Variants in GAD2 observed in about 807,000 individuals in gnomAD.
The protein encoded by GAD2 is 65 kDa glutamic acid decarboxylase.
Under a neutral mutation model 80.1 loss-of-function variants are expected in GAD2, and 22 were observed. That is an observed-to-expected ratio of 0.27 (90% CI 0.20 to 0.39). The LOEUF is 0.39. Ranked by LOEUF, GAD2 falls within the 10% of genes least tolerant of loss-of-function variation. GAD2 has a pLI of 1.00. For missense variants in GAD2, 624 were observed against 738.4 expected (o/e 0.85, Z 1.80); for synonymous variants, 274 against 256.9 (o/e 1.07, Z -0.64).
At chr10:26,242,982 A>G (rs1844761691) in intron 7 of GAD2, among the ~76,000 whole-genome samples, 1 of 151,826 alleles carries the variant, frequency 6.6e-6, no homozygotes, top group African/African-American at 2.4e-5. Context: ...TAAGAGACTT[A>G]GCTTGCCTCT....
chr10:26,226,617 G>T (rs899054554), intron 6 of GAD2, among the ~76,000 whole-genome samples: 2 of 152,184 alleles, frequency 1.3e-5, no homozygotes, highest in Non-Finnish European at 2.9e-5. Flanking sequence ...CTGCAGTAAA[G>T]GGTCTTACAA....
intron 8 of GAD2, among the ~76,000 whole-genome samples, chr10:26,246,672 T>C (rs1279874669): frequency 6.6e-6 from 1 of 152,242 alleles, no homozygotes; most frequent in Non-Finnish European, 1.5e-5. Context: ...TATTTGTATT[T>C]ATTAGTCAGA....
chr10:26,246,763 T>C (rs1844815265), intron 8 of GAD2, among the ~76,000 whole-genome samples: 1 of 152,164 alleles, frequency 6.6e-6, no homozygotes, highest in Non-Finnish European at 1.5e-5. Context: ...GGATGTGAGC[T>C]AGGTGGGAAG....
chr10:26,217,527 A>T lies in GAD2; in HGVS notation c.77-83A>T. ...CCCTCCTAGGACCCCGGACTGATTG[A>T]TTTTCACATAGAACGAAATTTCACA... is the stretch of plus-strand genomic sequence containing the variant. On this transcript the variant is annotated intron_variant, in intron 1 of 15. Coordinates refer to ENST00000376261, the MANE Select transcript of GAD2 (RefSeq NM_001134366.2). The surrounding 1 kb of genome is among the most constrained non-coding windows in gnomAD (Gnocchi z 4.9). 1 of 1,443,696 alleles carries T rather than the reference A, an allele frequency of 6.9e-7. No individual in the cohort carries two copies. Among genetic ancestry groups the T allele is most frequent in the Non-Finnish European group, 9.5e-7 (1 of 1,047,554 alleles). 89.4% of individuals were successfully genotyped at this position (1,443,696 alleles called of 1,614,324 possible). A position where few individuals can be genotyped will look rare whatever the true frequency, so the allele number is the denominator to read the frequency against.
At chr10:26,283,015 T>A (rs1437520579) in intron 12 of GAD2, among the ~76,000 whole-genome samples, 2 of 152,232 alleles carry the variant, frequency 1.3e-5, no homozygotes, top group East Asian at 3.8e-4. Context: ...TAAATTTTTG[T>A]TATTTAGAAT....
At chr10:26,255,969 C>T (rs1177592978) in intron 8 of GAD2, among the ~76,000 whole-genome samples, 1 of 152,052 alleles carries the variant, frequency 6.6e-6, no homozygotes, top group Non-Finnish European at 1.5e-5. Flanking sequence ...TGACAAGCTG[C>T]TAATGACTTT....
intron 7 of GAD2, among the ~76,000 whole-genome samples, chr10:26,237,560 G>A: frequency 6.6e-6 from 1 of 152,014 alleles, no homozygotes; most frequent in Non-Finnish European, 1.5e-5. Flanking sequence ...GGAGAGCAGA[G>A]TCGGGGCCAG....
intron 3 of GAD2, among the ~76,000 whole-genome samples, chr10:26,218,554 C>T (rs1421225269): frequency 7.3e-6 from 1 of 136,422 alleles, no homozygotes; most frequent in African/African-American, 2.7e-5. Flanking sequence ...CTCTCTCTCA[C>T]ACACACACAC....
At chr10:26,218,220 T>A in intron 3 of GAD2, 1 of 426,570 alleles carries the variant, frequency 2.3e-6, no homozygotes, top group Non-Finnish European at 4.1e-6. Context: ...GCCGTGGCGC[T>A]CTTCCCCCAG....
chr10:26,249,547 T>C (rs1259614885), intron 8 of GAD2, among the ~76,000 whole-genome samples: 2 of 152,222 alleles, frequency 1.3e-5, no homozygotes, highest in Non-Finnish European at 2.9e-5. Context: ...CTAGGCAGTC[T>C]TCCTTGCTAG....
At chr10:26,286,774 G>A (rs1367865659) in intron 13 of GAD2, among the ~76,000 whole-genome samples, 1 of 152,136 alleles carries the variant, frequency 6.6e-6, no homozygotes, top group Non-Finnish European at 1.5e-5. Context: ...TTTAACAGGT[G>A]TTTATTGTTA....
At chr10:26,218,101 A>C in intron 3 of GAD2, 110 bp downstream of exon 3, 2 of 1,195,062 alleles carry the variant, frequency 1.7e-6, no homozygotes, top group Non-Finnish European at 2.3e-6. Context: ...TCGAGGTGGC[A>C]GCGGAGGCGG....
intron 8 of GAD2, among the ~76,000 whole-genome samples, chr10:26,264,312 C>CTT (rs373732623): frequency 0.066 from 8,498 of 129,660 alleles, 378 homozygotes; most frequent in Non-Finnish European, 0.097. Flanking sequence ...AGATTTCAAG[C>CTT]TTTTTTTTTT....
At chr10:26,218,130 G>C in intron 3 of GAD2, 139 bp downstream of exon 3, 1 of 943,616 alleles carries the variant, frequency 1.1e-6, no homozygotes. Context: ...AGAATCTTCA[G>C]ATAAAAGCGA....
intron 8 of GAD2, among the ~76,000 whole-genome samples, chr10:26,264,434 G>A (rs369662337): frequency 1.3e-5 from 2 of 151,286 alleles, no homozygotes; most frequent in East Asian, 3.9e-4. Flanking sequence ...TCAGCCTCCA[G>A]AGTAGCTGGG....
chr10:26,218,055 C>G (rs1014360676), intron 3 of GAD2, 64 bp downstream of exon 3: 1 of 1,497,508 alleles, frequency 6.7e-7, no homozygotes. Context: ...CCACCGCGGC[C>G]GGTGCGGGTC....
rs372536963 is a variant in GAD2, at chr10:26,268,393, G to A, written c.921-726G>A. Among the ~76,000 whole-genome samples the A allele has an allele frequency of 1.6e-3, 241 of 151,830 alleles. 1 individual carries two copies. Among genetic ancestry groups the A allele is most frequent in the African/African-American group, 5.5e-3 (229 of 41,344 alleles). On this transcript the variant is annotated intron_variant, in intron 8 of 15. Coordinates refer to ENST00000376261, the MANE Select transcript of GAD2 (RefSeq NM_001134366.2). ...TGAGGCAGGAGAATGGTGTGAACCC[G>A]GGAGGCGGAGCTTGCAGTGAGCCAA...
intron 8 of GAD2, among the ~76,000 whole-genome samples, chr10:26,262,409 A>G (rs188934372): frequency 2.6e-5 from 4 of 151,862 alleles, no homozygotes; most frequent in Admixed American, 6.6e-5. Context: ...ATATTAAAAT[A>G]TCTTTATTCA....
chr10:26,294,621 G>GA (rs1564673730), intron 15 of GAD2, among the ~76,000 whole-genome samples: 1 of 152,140 alleles, frequency 6.6e-6, no homozygotes, highest in African/African-American at 2.4e-5. Context: ...TGATCTAGAG[G>GA]AAAAAATGGA....
Sources: allele counts gnomAD v4.1 joint callset (sites outside exome capture counted in the v4.1 genomes callset), GRCh38; gene constraint gnomAD v4.1.1; non-coding constraint Gnocchi (gnomAD v3.1); transcripts MANE v1.5; gene names NCBI Gene and HGNC (gene_info 2026-07-23, HGNC 2026-07-21).